The following NBAS variants were observed in gnomAD, a reference collection of about 807,000 sequenced individuals.
NBAS encodes NBAS subunit of NRZ tethering complex, also known as NAG/BC035112 fusion.
In NBAS, 219 loss-of-function variants were observed where a neutral mutation model predicts 302.5. That is an observed-to-expected ratio of 0.72 (90% CI 0.65 to 0.81). The LOEUF is 0.81. Among genes scored for constraint, NBAS ranks in the 30% least tolerant of loss-of-function variants. NBAS has a pLI of 0.00. For missense variants in NBAS, 2,932 were observed against 2,841.6 expected, an observed-to-expected ratio of 1.03 and a Z score of -0.72; for synonymous variants, 1,118 against 1,021.6, an observed-to-expected ratio of 1.09 and a Z score of -1.80.
intron 44 of NBAS, among the ~76,000 whole-genome samples, chr2:15,265,501 G>A (rs1572554089): frequency 6.6e-6 from 1 of 152,256 alleles, no homozygotes; most frequent in African/African-American, 2.4e-5. Context: ...TTTTGTGAGT[G>A]AATACACTGT....
intron 31 of NBAS, among the ~76,000 whole-genome samples, chr2:15,367,605 A>G (rs1674274689): frequency 6.6e-6 from 1 of 152,180 alleles, no homozygotes; most frequent in Non-Finnish European, 1.5e-5. Flanking sequence ...AAGTGATGGG[A>G]CCAAAATTCA....
At chr2:15,523,611 A>G (rs1317891548) in intron 9 of NBAS, among the ~76,000 whole-genome samples, 5 of 152,150 alleles carry the variant, frequency 3.3e-5, no homozygotes, top group South Asian at 2.1e-4. Flanking sequence ...GGACTGTGCA[A>G]AAATAAATTG....
At chr2:15,159,586 G>C in the NBAS span, among the ~76,000 whole-genome samples, 46 of 151,700 alleles carry the variant, frequency 3.0e-4, no homozygotes, top group African/African-American at 1.1e-3. Context: ...TCATAGAGAT[G>C]GTAGCATGGT....
intron 9 of NBAS, among the ~76,000 whole-genome samples, chr2:15,531,801 C>A (rs563287102): frequency 6.6e-6 from 1 of 152,106 alleles, no homozygotes; most frequent in South Asian, 2.1e-4. Context: ...CTAGTAATAC[C>A]CTCACCTATT....
At position 15,186,745 on chromosome 2, in the gene NBAS, T is replaced by C. The variant is rs772036073; in HGVS notation, c.6708A>G (p.Ala2236=). 1 of 1,613,878 alleles carries C rather than the reference T, an allele frequency of 6.2e-7. No individual in the cohort carries two copies. The highest frequency in any genetic ancestry group is 8.5e-7 in the Non-Finnish European group (1 of 1,179,940). ...SLYNTKQMLP[A]EGVKELCLLL... The stretch of plus-strand genomic sequence containing the variant: ...AGCACTCAAAATATCCACTCACCTC[T>C]GCAGGCAGCATCTGCTTGGTGTTAT... The change falls in exon 50 of 52, where the codon GCA becomes GCG. Residue 2236 remains alanine (A), a synonymous_variant. Coordinates refer to ENST00000281513, the MANE Select transcript of NBAS (RefSeq NM_015909.4).
the NBAS span, among the ~76,000 whole-genome samples, chr2:14,968,081 G>A: frequency 6.6e-6 from 1 of 152,118 alleles, no homozygotes; most frequent in African/African-American, 2.4e-5. Context: ...TTACTTGAAA[G>A]GCTGCCCTGC....
At chr2:15,520,036 G>C (rs1662586723) in intron 9 of NBAS, among the ~76,000 whole-genome samples, 1 of 152,034 alleles carries the variant, frequency 6.6e-6, no homozygotes, top group Non-Finnish European at 1.5e-5. Context: ...TTTGATAACT[G>C]GGCATCATAT....
chr2:15,084,343 G>A, the NBAS span, among the ~76,000 whole-genome samples: 9 of 152,320 alleles, frequency 5.9e-5, no homozygotes, highest in Admixed American at 2.0e-4. Context: ...TATTACAGGC[G>A]TAAGCCACAG....
chr2:14,806,416 C>T, the NBAS span, among the ~76,000 whole-genome samples: 1 of 152,102 alleles, frequency 6.6e-6, no homozygotes, highest in Non-Finnish European at 1.5e-5. Context: ...ACAAATTTTT[C>T]AATGTTTCTA....
In NBAS at chr2:15,309,174, T is replaced by C; in HGVS notation, c.4656A>G (p.Pro1552=). The C allele has an allele frequency of 6.2e-7, 1 of 1,612,190 alleles. No individual in the cohort carries two copies. The highest frequency in any genetic ancestry group is 2.2e-5 in the East Asian group (1 of 44,790). The change falls in exon 39 of 52, where the codon CCA becomes CCG. Residue 1552 remains proline, a synonymous_variant. Coordinates refer to ENST00000281513, the MANE Select transcript of NBAS (RefSeq NM_015909.4). ...TCATTGGTAAGGGCAAACTTACTTGTGGTAAGGCAAGAAGGTAAGCAAGAG... is the reference window on the plus strand; with the variant it reads ...TCATTGGTAAGGGCAAACTTACTTGCGGTAAGGCAAGAAGGTAAGCAAGAG... ...TLALAYLLAL[P]QVLDANRCFE...
chr2:15,494,415 A>C (rs1283882048), intron 11 of NBAS, among the ~76,000 whole-genome samples: 2 of 152,246 alleles, frequency 1.3e-5, no homozygotes, highest in East Asian at 1.9e-4. Flanking sequence ...TAATGCATTT[A>C]TCATATAACT....
chr2:15,519,485 GGA>G (rs1491445789), intron 9 of NBAS, among the ~76,000 whole-genome samples: 93,438 of 151,728 alleles, frequency 0.62, 29,640 homozygotes, highest in Non-Finnish European at 0.68. Flanking sequence ...CACCCAAGCT[GGA>G]GTGCAATGGT....
At chr2:15,270,365 G>A (rs4365433) in intron 44 of NBAS, among the ~76,000 whole-genome samples, 30,573 of 151,764 alleles carry the variant, frequency 0.2, 3,842 homozygotes, top group East Asian at 0.55. Context: ...GGGTTTCACC[G>A]TGGTAGCCAG....
At chr2:15,277,545 TA>T (rs1197341521) in intron 42 of NBAS, among the ~76,000 whole-genome samples, 1 of 152,172 alleles carries the variant, frequency 6.6e-6, no homozygotes, top group African/African-American at 2.4e-5. Flanking sequence ...GAAAAAACCC[TA>T]AACTTTCAGG....
the NBAS span, among the ~76,000 whole-genome samples, chr2:14,910,246 G>A: frequency 1.3e-5 from 2 of 152,182 alleles, no homozygotes; most frequent in African/African-American, 2.4e-5. Flanking sequence ...CTTCTTGAAA[G>A]GGGCTGTGAA....
the NBAS span, among the ~76,000 whole-genome samples, chr2:15,073,536 A>AT: frequency 6.6e-6 from 1 of 151,456 alleles, no homozygotes; most frequent in Non-Finnish European, 1.5e-5. Context: ...ATCTGTTTCT[A>AT]TTTTTTGGCT....
At chr2:14,819,651 G>T in the NBAS span, among the ~76,000 whole-genome samples, 8 of 152,170 alleles carry the variant, frequency 5.3e-5, no homozygotes, top group African/African-American at 1.9e-4. Flanking sequence ...AATAAAGAGT[G>T]TTTACTAGTT....
At chr2:15,302,891 T>C (rs1224301081) in intron 40 of NBAS, among the ~76,000 whole-genome samples, 1 of 152,194 alleles carries the variant, frequency 6.6e-6, no homozygotes, top group Non-Finnish European at 1.5e-5. Flanking sequence ...CCAGCCTTCA[T>C]CTTTCTCCCA....
At chr2:14,823,244 A>C in the NBAS span, among the ~76,000 whole-genome samples, 2 of 152,218 alleles carry the variant, frequency 1.3e-5, no homozygotes, top group Non-Finnish European at 2.9e-5. Context: ...TAAGTGTTCA[A>C]ATTGCTTGAA....
Sources: gnomAD v4.1 joint callset for allele counts (sites outside exome capture counted in the v4.1 genomes callset) on GRCh38, gnomAD v4.1.1 for gene constraint, MANE v1.5 for transcripts, NCBI Gene and HGNC (gene_info 2026-07-23, HGNC 2026-07-21) for gene names.